SBF2: variants seen among roughly 807,000 people sequenced by gnomAD.
SBF2 encodes the protein myotubularin-related protein 13.
SBF2 carries 112 observed loss-of-function variants against 225.2 expected under a neutral mutation model. The observed-to-expected ratio is 0.50, with a 90% CI of 0.43 to 0.58. The LOEUF is 0.58. Ranked by LOEUF, SBF2 falls within the 20% of genes least tolerant of loss-of-function variation. The probability of loss-of-function intolerance (pLI) is 0.00; values close to 1 mark genes in which losing one functional copy is unlikely to be tolerated. For missense variants in SBF2, 1,996 were observed against 2,206.2 expected (o/e 0.90, Z 1.91); for synonymous variants, 763 against 773.3 (o/e 0.99, Z 0.22).
chr11:10,245,750 T>C (rs1959722700), intron 1 of SBF2, among the ~76,000 whole-genome samples: 1 of 152,174 alleles, frequency 6.6e-6, no homozygotes, highest in Non-Finnish European at 1.5e-5. Flanking sequence ...AAGCTAAATG[T>C]CCATTGACAG....
At chr11:10,168,459 C>G (rs539658568) in intron 2 of SBF2, among the ~76,000 whole-genome samples, 1 of 152,150 alleles carries the variant, frequency 6.6e-6, no homozygotes, top group Non-Finnish European at 1.5e-5. Flanking sequence ...CCAATTCTTC[C>G]CTTTTACTAA....
chr11:9,846,086 C>A (rs993662058), intron 23 of SBF2, among the ~76,000 whole-genome samples: 2 of 152,132 alleles, frequency 1.3e-5, no homozygotes, highest in Non-Finnish European at 2.9e-5. Flanking sequence ...TCTTCCTACC[C>A]AGATACAACA....
At chr11:10,174,875 G>T (rs943497241) in intron 2 of SBF2, among the ~76,000 whole-genome samples, 2 of 150,784 alleles carry the variant, frequency 1.3e-5, no homozygotes, top group Admixed American at 6.6e-5. Context: ...TTAAAGAAAA[G>T]AATTTTCAAC....
At chr11:10,183,301 A>G (rs1956809056) in intron 2 of SBF2, among the ~76,000 whole-genome samples, 1 of 152,192 alleles carries the variant, frequency 6.6e-6, no homozygotes, top group Non-Finnish European at 1.5e-5. Flanking sequence ...GGTAAATAGT[A>G]AAAACTAGAA....
chr11:10,206,564 A>G (rs907063007), intron 1 of SBF2, among the ~76,000 whole-genome samples: 5 of 152,134 alleles, frequency 3.3e-5, no homozygotes, highest in Non-Finnish European at 2.9e-5. Context: ...ATCTGCAAAG[A>G]TTTTAAAGCA....
intron 17 of SBF2, among the ~76,000 whole-genome samples, chr11:9,870,318 T>C (rs760314251): frequency 6.6e-6 from 1 of 152,194 alleles, no homozygotes; most frequent in Non-Finnish European, 1.5e-5. Context: ...CCCATTAAAC[T>C]ACCATTGACA....
chr11:10,063,222 T>A (rs1950508354), intron 2 of SBF2, among the ~76,000 whole-genome samples: 1 of 151,890 alleles, frequency 6.6e-6, no homozygotes, highest in Non-Finnish European at 1.5e-5. Flanking sequence ...TATTGGGTAC[T>A]TGGCTTAATA....
chr11:10,215,125 GC>G (rs964682466), intron 1 of SBF2, among the ~76,000 whole-genome samples: 5 of 152,124 alleles, frequency 3.3e-5, no homozygotes, highest in Admixed American at 6.6e-5. Flanking sequence ...CTAGCTCAGA[GC>G]CATTCTACTT....
At chr11:9,921,269 C>T (rs549342360) in intron 16 of SBF2, among the ~76,000 whole-genome samples, 1 of 152,168 alleles carries the variant, frequency 6.6e-6, no homozygotes, top group South Asian at 2.1e-4. Flanking sequence ...GGGGTTTCTC[C>T]ATGTTGGTCA....
chr11:10,196,228 T>C (rs1487615363), intron 1 of SBF2, among the ~76,000 whole-genome samples: 3 of 152,214 alleles, frequency 2.0e-5, no homozygotes, highest in Non-Finnish European at 4.4e-5. Flanking sequence ...AATAAATTCA[T>C]TGGTACTGAC....
At chr11:9,952,330 G>A (rs1205769158) in intron 16 of SBF2, among the ~76,000 whole-genome samples, 7 of 152,122 alleles carry the variant, frequency 4.6e-5, no homozygotes, top group African/African-American at 9.7e-5. Flanking sequence ...TGTTTACACC[G>A]AATTAAGAAA....
intron 16 of SBF2, among the ~76,000 whole-genome samples, chr11:9,945,689 T>G (rs1244963657): frequency 6.6e-6 from 1 of 152,120 alleles, no homozygotes; most frequent in South Asian, 2.1e-4. Flanking sequence ...TAACAAACTA[T>G]GCATCTGACA....
At chr11:10,196,837 A>ATATAT (rs1957372454) in intron 1 of SBF2, among the ~76,000 whole-genome samples, 1 of 83,520 alleles carries the variant, frequency 1.2e-5, no homozygotes, top group Non-Finnish European at 2.4e-5. Flanking sequence ...TTCTTGCATA[A>ATATAT]ATATATATAT....
chr11:10,043,005 G>T, intron 2 of SBF2, 24 bp from the exon 3 acceptor site: 1 of 1,605,916 alleles, frequency 6.2e-7, no homozygotes. Context: ...AAAAAAAAAT[G>T]TAACATTTAA....
intron 16 of SBF2, among the ~76,000 whole-genome samples, chr11:9,930,781 G>A (rs1177695709): frequency 3.9e-5 from 6 of 152,304 alleles, no homozygotes; most frequent in Admixed American, 6.5e-5. Context: ...AGGGTGAGCC[G>A]AAGCAGCGTG....
At chr11:10,069,353 C>A (rs1276859015) in intron 2 of SBF2, among the ~76,000 whole-genome samples, 1 of 142,252 alleles carries the variant, frequency 7.0e-6, no homozygotes, top group East Asian at 2.1e-4. Flanking sequence ...ATGTTCCCCA[C>A]CCTATTCCAA....
chr11:10,299,134 C>A (rs530022754), upstream of SBF2, among the ~76,000 whole-genome samples: 4 of 151,896 alleles, frequency 2.6e-5, no homozygotes, highest in South Asian at 4.2e-4. Flanking sequence ...GTCAGCAGAT[C>A]GAGATCATCC....
intron 2 of SBF2, among the ~76,000 whole-genome samples, chr11:10,093,205 C>A (rs1273184844): frequency 6.6e-6 from 1 of 151,700 alleles, no homozygotes; most frequent in Non-Finnish European, 1.5e-5. Context: ...TCATTAGAGA[C>A]AGTTTTGCCA....
intron 32 of SBF2, among the ~76,000 whole-genome samples, chr11:9,806,476 T>C (rs1385491147): frequency 1.3e-5 from 2 of 152,356 alleles, no homozygotes. Flanking sequence ...CTCCTCTCCT[T>C]TGGCCTCAGG....
Sources: gnomAD v4.1 joint callset for allele counts (sites outside exome capture counted in the v4.1 genomes callset) on GRCh38, gnomAD v4.1.1 for gene constraint, MANE v1.5 for transcripts, NCBI Gene and HGNC (gene_info 2026-07-23, HGNC 2026-07-21) for gene names.